Variants in ATP1A4 observed in about 807,000 individuals in gnomAD.
ATP1A4 encodes the protein sodium/potassium-transporting ATPase subunit alpha-4.
In ATP1A4, 90 loss-of-function variants were observed where a neutral mutation model predicts 114.3. The ratio of observed to expected loss-of-function variants is 0.79; its 90% CI spans 0.66 to 0.94. ATP1A4 has a LOEUF of 0.94. ATP1A4 is among the 40% of genes least tolerant of loss of function. ATP1A4 has a pLI of 0.00. For missense variants in ATP1A4, 1,222 were observed against 1,313.6 expected (o/e 0.93, Z 1.08); for synonymous variants, 511 against 494.1 (o/e 1.03, Z -0.45).
At chr1:160,166,390 G>A in intron 7 of ATP1A4, 138 bp from the exon 8 acceptor site, 1 of 1,133,270 alleles carries the variant, frequency 8.8e-7, no homozygotes, top group Non-Finnish European at 1.2e-6. Context: ...AATGAAATGT[G>A]TAAAGAGTAG....
At position 160,156,089 on chromosome 1, in the gene ATP1A4, C is replaced by A. The variant is rs1430077041; in HGVS notation, c.456C>A (p.Gly152=). 5 of 1,613,910 alleles carry A rather than the reference C, an allele frequency of 3.1e-6. No homozygotes were observed. The African/African-American group carries it at 6.7e-5, about 22-fold the overall frequency. Reference sequence around the variant, plus strand: ...TGTCCGTCGTGGTCATCGTCACTGGCTGCTTCTCCTATTATCAGGAGGCCA... The same window carrying A: ...TGTCCGTCGTGGTCATCGTCACTGGATGCTTCTCCTATTATCAGGAGGCCA... The part of the protein sequence containing the change: ...IVLSVVVIVT[G]CFSYYQEAKS... The change falls in exon 4 of 22, where the codon GGC becomes GGA. Residue 152 remains glycine (G), a synonymous_variant. Transcript: ENST00000368081.
chr1:160,164,609 T>G (rs1198996081), intron 7 of ATP1A4, among the ~76,000 whole-genome samples, 185 bp downstream of exon 7: 1 of 152,234 alleles, frequency 6.6e-6, no homozygotes, highest in East Asian at 1.9e-4. Flanking sequence ...TTTCGGTGTC[T>G]TCTCTTTCCT....
intron 20 of ATP1A4, chr1:160,183,463 T>C (rs762388029): frequency 4.0e-5 from 6 of 151,424 alleles, no homozygotes; most frequent in Non-Finnish European, 7.4e-5. Context: ...TGTGTGTGTG[T>C]TCACCCTCTT....
rs546812898 is a variant in ATP1A4 at position 160,154,727 on chromosome 1, G to A, written c.208-318G>A. Among the ~76,000 whole-genome samples the A allele has an allele frequency of 3.3e-5, 5 of 152,272 alleles. No individual in the cohort carries two copies. The South Asian group carries it at 1.0e-3, about 32-fold the overall frequency. The stretch of plus-strand genomic sequence containing the variant: ...TGTATGTATTTATCTCCCCACTGGA[G>A]CACCTTAAGGGTAGGGACCATTCTT... On this transcript the variant is annotated intron_variant, in intron 2 of 21. Coordinates refer to ENST00000368081, the MANE Select transcript of ATP1A4 (RefSeq NM_144699.4).
chr1:160,153,190 A>T lies in ATP1A4; in HGVS notation c.173A>T (p.Glu58Val), dbSNP rs1470749610. The change falls in exon 2 of 22, where the codon GAG becomes GTG. Residue 58 changes from glutamate (E) to valine (V), a missense_variant. By Grantham distance (121) the Glu-to-Val change is moderately radical (BLOSUM62 -2). Coordinates refer to ENST00000368081, the MANE Select transcript of ATP1A4 (RefSeq NM_144699.4). ...VMDDHKLTLEELSTKYSVDLT... is the reference protein window; with the variant it reads ...VMDDHKLTLEVLSTKYSVDLT... ...GATGATCACAAATTAACCTTGGAAG[A>T]GCTGAGCACCAAGTACTCCGTGGAC... 1 of 1,613,960 alleles carries T rather than the reference A, an allele frequency of 6.2e-7. No individual in the cohort carries two copies. The highest frequency in any genetic ancestry group is 1.7e-5 in the Admixed American group (1 of 60,020).
In ATP1A4 at chr1:160,159,509, C is replaced by T. The variant is rs1304980491; in HGVS notation, c.761C>T (p.Ser254Phe). 2 of 1,613,284 alleles carry T rather than the reference C, an allele frequency of 1.2e-6. No individual in the cohort carries two copies. The highest frequency in any genetic ancestry group is 1.3e-5 in the African/African-American group (1 of 74,872). Residue 254 changes from serine (S) to phenylalanine (F), a missense_variant, in exon 6 of 22, where the codon TCC becomes TTC. Coordinates refer to ENST00000368081, the MANE Select transcript of ATP1A4 (RefSeq NM_144699.4). ...GAGACCCGAAACATCTGCTTCTTTT[C>T]CACCAACTGTGTGGAAGGTGAATAT... ...PLETRNICFF[S>F]TNCVEGTARG...
In ATP1A4 at chr1:160,186,321, C is replaced by T. The variant is rs200363709; in HGVS notation, c.3015C>T (p.Phe1005=). Residue 1005 remains phenylalanine (F), a synonymous_variant, in exon 21 of 22, where the codon TTC becomes TTT. Transcript: ENST00000368081. ...CCATTCCCTACAGTATTCTCATCTTCGTCTATGATGAAATCAGAAAACTCC... is the reference window on the plus strand; with the variant it reads ...CCATTCCCTACAGTATTCTCATCTTTGTCTATGATGAAATCAGAAAACTCC... The part of the protein sequence containing the change: ...LCAIPYSILI[F]VYDEIRKLLI... The T allele has an allele frequency of 1.7e-5, 27 of 1,613,602 alleles. No homozygotes were observed. Among genetic ancestry groups the T allele is most frequent in the Middle Eastern group, 1.6e-4 (1 of 6,084 alleles).
intron 12 of ATP1A4, 150 bp downstream of exon 12, chr1:160,171,907 T>C (rs1224319484): frequency 1.2e-6 from 1 of 802,014 alleles, no homozygotes; most frequent in Non-Finnish European, 1.9e-6. Context: ...TAATAGTAAG[T>C]TTCCTCTCCA....
intron 10 of ATP1A4, 94 bp downstream of exon 10, chr1:160,167,506 G>C (rs777651975): frequency 4.6e-6 from 7 of 1,531,692 alleles, no homozygotes; most frequent in African/African-American, 1.4e-5. Flanking sequence ...ACTTCACCTC[G>C]GAGAAGCAGA....
intron 18 of ATP1A4, among the ~76,000 whole-genome samples, chr1:160,178,473 A>G (rs1653566147): frequency 6.6e-6 from 1 of 151,500 alleles, no homozygotes; most frequent in Non-Finnish European, 1.5e-5. Flanking sequence ...TCAAGAGATC[A>G]AGACCATCCT....
intron 4 of ATP1A4, among the ~76,000 whole-genome samples, chr1:160,158,331 G>A (rs1215562497): frequency 6.6e-6 from 1 of 152,144 alleles, no homozygotes; most frequent in Non-Finnish European, 1.5e-5. Flanking sequence ...TCATAGGGTG[G>A]CAGAGGATTC....
At position 160,176,150 on chromosome 1, in the gene ATP1A4, C is replaced by A. The variant is rs145783326; in HGVS notation, c.2370C>A (p.Ile790=). Residue 790 remains isoleucine (I), a synonymous_variant, in exon 16 of 22, where the codon ATC becomes ATA. Transcript: ENST00000368081. ...KSIMYTLTSN[I]PEITPFLMFI... ...TCATGTACACCCTGACCAGCAACATCCCCGAGATCACGCCCTTCCTGATGT... is the reference window on the plus strand; with the variant it reads ...TCATGTACACCCTGACCAGCAACATACCCGAGATCACGCCCTTCCTGATGT... 7 of 1,614,144 alleles carry A rather than the reference C, an allele frequency of 4.3e-6. No homozygotes were observed. The highest frequency in any genetic ancestry group is 4.2e-6 in the Non-Finnish European group (5 of 1,180,016).
chr1:160,157,487 T>C (rs925808399), intron 4 of ATP1A4, among the ~76,000 whole-genome samples: 1 of 152,208 alleles, frequency 6.6e-6, no homozygotes, highest in Non-Finnish European at 1.5e-5. Context: ...GTCCTCCAGC[T>C]CCACCAAAGA....
intron 17 of ATP1A4, 128 bp from the exon 18 acceptor site, chr1:160,177,391 C>T (rs1240084669): frequency 2.6e-5 from 23 of 896,100 alleles, no homozygotes; most frequent in Non-Finnish European, 3.4e-5. Flanking sequence ...AAGATTCTTC[C>T]GCATTACTCT....
intron 15 of ATP1A4, among the ~76,000 whole-genome samples, 192 bp from the exon 16 acceptor site, chr1:160,175,900 G>A (rs1161727496): frequency 2.0e-5 from 3 of 152,152 alleles, no homozygotes; most frequent in Non-Finnish European, 4.4e-5. Context: ...AGAACAAACA[G>A]TACACAGACG....
Position 160,165,473 on chromosome 1 carries a change from T to C in ATP1A4, c.1047+1049T>C, listed in dbSNP as rs954963864. Among the ~76,000 whole-genome samples the C allele has an allele frequency of 6.6e-4, 101 of 152,314 alleles. 2 individuals are homozygous for C. Among genetic ancestry groups the C allele is most frequent in the Non-Finnish European group, 7.4e-5 (5 of 68,024 alleles). ...CCTCCACGTTCTTTGTTTAAACTAT[T>C]GGTCTGCCGGGCGCGGTGGCTCACA... On this transcript the variant is annotated intron_variant, in intron 7 of 21. Transcript: ENST00000368081.
At chr1:160,166,891 T>A in intron 8 of ATP1A4, 77 bp from the exon 9 acceptor site, 1 of 1,520,190 alleles carries the variant, frequency 6.6e-7, no homozygotes, top group South Asian at 1.1e-5. Context: ...AGTATCTGGG[T>A]GCCAAAGAGG....
chr1:160,163,840 G>A (rs905798491), intron 6 of ATP1A4, among the ~76,000 whole-genome samples: 1 of 152,040 alleles, frequency 6.6e-6, no homozygotes, highest in African/African-American at 2.4e-5. Context: ...CTGGCCACCA[G>A]CCCCATCCTG....
Position 160,159,242 on chromosome 1 carries a change from G to C in ATP1A4, c.660+106G>C. 3.4e-6 allele frequency: 5 copies of C among 1,478,804 alleles called. 1 individual carries two copies. The South Asian group carries it at 6.6e-5, about 20-fold the overall frequency. 91.6% of individuals were successfully genotyped at this position (1,478,804 alleles called of 1,614,324 possible). A position where few individuals can be genotyped will look rare whatever the true frequency, so the allele number is the denominator to read the frequency against. On this transcript the variant is annotated intron_variant, in intron 5 of 21. Coordinates refer to ENST00000368081, the MANE Select transcript of ATP1A4 (RefSeq NM_144699.4). ...ATAAGCTTATTACTCAGAATCTTGAGAAGTTACAAGTGCAGATTTGATGTT... is the reference window on the plus strand; with the variant it reads ...ATAAGCTTATTACTCAGAATCTTGACAAGTTACAAGTGCAGATTTGATGTT...
Sources: gnomAD v4.1 joint callset for allele counts (sites outside exome capture counted in the v4.1 genomes callset) on GRCh38, gnomAD v4.1.1 for gene constraint, MANE v1.5 for transcripts, NCBI Gene and HGNC (gene_info 2026-07-23, HGNC 2026-07-21) for gene names.